IGBP1C: variants seen among roughly 807,000 people sequenced by gnomAD.
IGBP1C encodes the protein IGBP1 family member C.
the IGBP1C span, among the ~76,000 whole-genome samples, chr17:58,681,100 G>A: frequency 6.6e-6 from 1 of 151,974 alleles, no homozygotes; most frequent in East Asian, 1.9e-4. Flanking sequence ...TGGCCAACAT[G>A]GCGAAACCCT....
At chr17:58,665,254 A>C in the IGBP1C span, among the ~76,000 whole-genome samples, 3 of 151,882 alleles carry the variant, frequency 2.0e-5, no homozygotes, top group Non-Finnish European at 4.4e-5. Flanking sequence ...AGCCTCCCAA[A>C]GTACTGGGAT....
chr17:58,661,658 C>G, the IGBP1C span: 1 of 631,724 alleles, frequency 1.6e-6, no homozygotes, highest in South Asian at 1.9e-5. Context: ...CGTAAAGATT[C>G]TGGCGTAGAT....
the IGBP1C span, among the ~76,000 whole-genome samples, chr17:58,662,125 G>A: frequency 8.0e-5 from 12 of 150,532 alleles, no homozygotes; most frequent in African/African-American, 2.7e-4. Context: ...ACAGGCGTGA[G>A]CCACCACGCC....
chr17:58,681,123 T>C, the IGBP1C span, among the ~76,000 whole-genome samples: 4 of 151,626 alleles, frequency 2.6e-5, no homozygotes, highest in Non-Finnish European at 4.4e-5. Context: ...CTACTAAAAA[T>C]AAATTAGCCG....
At chr17:58,680,223 G>A in the IGBP1C span, among the ~76,000 whole-genome samples, 9,254 of 152,052 alleles carry the variant, frequency 0.061, 414 homozygotes, top group Non-Finnish European at 0.094. Context: ...GCTTTCTTGC[G>A]CAGTTAAACA....
chr17:58,672,260 T>C, the IGBP1C span, among the ~76,000 whole-genome samples: 1 of 152,120 alleles, frequency 6.6e-6, no homozygotes, highest in East Asian at 1.9e-4. Flanking sequence ...GGTACCATGC[T>C]CCTTCCAGGG....
chr17:58,661,442 T>C, the IGBP1C span: 180 of 799,282 alleles, frequency 2.3e-4, no homozygotes, highest in Non-Finnish European at 3.7e-4. Flanking sequence ...TTTGGCAACC[T>C]TGTCAAGGAG....
chr17:58,670,771 T>TCAAAAAAAAAAAAAAAAAAAAAAAAAAA, the IGBP1C span, among the ~76,000 whole-genome samples: 2 of 7,956 alleles, frequency 2.5e-4, 1 homozygote, highest in Admixed American at 4.2e-3. Flanking sequence ...AGACTCCCTC[T>TCAAAAAAAAAAAAAAAAAAAAAAAAAAA]TAAAAAAAAA....
At chr17:58,677,874 G>C in the IGBP1C span, 2 of 152,316 alleles carry the variant, frequency 1.3e-5, no homozygotes, top group East Asian at 3.8e-4. Context: ...AGAAATGGCT[G>C]GGCACGGTGG....
the IGBP1C span, among the ~76,000 whole-genome samples, chr17:58,690,431 G>T: frequency 1.3e-5 from 2 of 152,312 alleles, no homozygotes; most frequent in African/African-American, 4.8e-5. Flanking sequence ...CTCCCAAAGT[G>T]CTTGGATTCC....
At chr17:58,666,364 C>CA in the IGBP1C span, among the ~76,000 whole-genome samples, 3 of 142,398 alleles carry the variant, frequency 2.1e-5, no homozygotes, top group African/African-American at 7.9e-5. Flanking sequence ...ATAAATAAGG[C>CA]AAAACCTAAA....
At chr17:58,669,540 C>T in the IGBP1C span, among the ~76,000 whole-genome samples, 1 of 151,642 alleles carries the variant, frequency 6.6e-6, no homozygotes, top group Non-Finnish European at 1.5e-5. Context: ...TCGAAACCAG[C>T]CTGACCAAAA....
the IGBP1C span, among the ~76,000 whole-genome samples, chr17:58,682,379 T>C: frequency 2.6e-5 from 4 of 151,846 alleles, no homozygotes; most frequent in African/African-American, 9.7e-5. Context: ...TGCCTCAGCC[T>C]CCTGAGTAGC....
chr17:58,669,461 G>A, the IGBP1C span, among the ~76,000 whole-genome samples: 1 of 152,002 alleles, frequency 6.6e-6, no homozygotes, highest in Non-Finnish European at 1.5e-5. Context: ...TGCTGGGCGT[G>A]GTGGCTCACG....
At chr17:58,682,262 C>CT in the IGBP1C span, among the ~76,000 whole-genome samples, 25,085 of 141,824 alleles carry the variant, frequency 0.18, 2,228 homozygotes, top group Non-Finnish European at 0.2. Context: ...CAGAGTCTTT[C>CT]TTTTTTTTTT....
chr17:58,683,894 A>G, the IGBP1C span, among the ~76,000 whole-genome samples: 1 of 147,666 alleles, frequency 6.8e-6, no homozygotes, highest in Non-Finnish European at 1.5e-5. Flanking sequence ...ATGAAACCCC[A>G]TCTCTACTAA....
the IGBP1C span, among the ~76,000 whole-genome samples, chr17:58,674,332 A>G: frequency 6.6e-6 from 1 of 151,850 alleles, no homozygotes; most frequent in African/African-American, 2.4e-5. Flanking sequence ...AACTAATCCT[A>G]TTGAACCCAC....
chr17:58,673,014 G>T, the IGBP1C span, among the ~76,000 whole-genome samples: 1 of 152,088 alleles, frequency 6.6e-6, no homozygotes, highest in Non-Finnish European at 1.5e-5. Flanking sequence ...TTACAGGCAT[G>T]AGCCACCACG....
the IGBP1C span, among the ~76,000 whole-genome samples, chr17:58,675,989 C>T: frequency 6.6e-6 from 1 of 152,094 alleles, no homozygotes; most frequent in South Asian, 2.1e-4. Context: ...ATGTATATCC[C>T]AGCACGTTGG....
Sources: allele counts gnomAD v4.1 joint callset (sites outside exome capture counted in the v4.1 genomes callset), GRCh38; gene constraint gnomAD v4.1.1; transcripts MANE v1.5; gene names NCBI Gene and HGNC (gene_info 2026-07-23, HGNC 2026-07-21).